Variants in SNX19 observed in about 807,000 individuals in gnomAD.
The protein encoded by SNX19 is sorting nexin-19.
A neutral mutation model predicts 85.2 loss-of-function variants in SNX19; 60 were observed. The ratio of observed to expected loss-of-function variants is 0.70; its 90% CI spans 0.57 to 0.87. SNX19 has a LOEUF of 0.87. SNX19 is among the 40% of genes least tolerant of loss of function. SNX19 has a pLI of 0.00. For missense variants in SNX19, 1,201 were observed against 1,217.8 expected, an observed-to-expected ratio of 0.99 and a Z score of 0.21; for synonymous variants, 520 against 470.0, an observed-to-expected ratio of 1.11 and a Z score of -1.38.
At chr11:130,907,894 G>A (rs1267586942) in intron 5 of SNX19, 59 bp downstream of exon 5, 1 of 1,602,300 alleles carries the variant, frequency 6.2e-7, no homozygotes, top group African/African-American at 1.3e-5. Flanking sequence ...TGTTGGCTGA[G>A]GATTGGGGAT....
In SNX19 at chr11:130,868,673, A is replaced by T. The variant is rs4411284; in HGVS notation, c.*9749T>A. The T allele has an allele frequency of 5.3e-5, 8 of 152,018 alleles. No homozygotes were observed. In the East Asian group the frequency reaches 1.6e-3, roughly 30 times the overall value. The allele number at this position is 152,018 out of a possible 1,614,324, so 9.4% of individuals were successfully genotyped here. ...TGAGGTTAAGTACTCCTCCGCCCCC[A>T]ACCCCCCGACCACACCCCATGCCCA... is the stretch of plus-strand genomic sequence containing the variant. On this transcript the variant is annotated 3_prime_UTR_variant, in exon 11 of 11. Transcript: ENST00000265909.
In SNX19 at chr11:130,877,835, C is replaced by A. The variant is rs1158728239; in HGVS notation, c.*587G>T. ...ATAAGGCTGATGTGTTGGGAAACAG[C>A]AACACATGAGCAAGAAGTTCCTTGA... On this transcript the variant is annotated 3_prime_UTR_variant, in exon 11 of 11. Coordinates refer to ENST00000265909, the MANE Select transcript of SNX19 (RefSeq NM_014758.3). 1.3e-5 allele frequency: 2 copies of A among 152,582 alleles called. No individual in the cohort carries two copies. The highest frequency in any genetic ancestry group is 6.5e-5 in the Admixed American group (1 of 15,278). 9.5% of individuals were successfully genotyped at this position (152,582 alleles called of 1,614,324 possible).
In SNX19 at chr11:130,873,086, T is replaced by C. The variant is rs367736874; in HGVS notation, c.*5336A>G. Among the ~76,000 whole-genome samples, 5 of 152,186 alleles carry C rather than the reference T, an allele frequency of 3.3e-5. No homozygotes were observed. The highest frequency in any genetic ancestry group is 6.5e-5 in the Admixed American group (1 of 15,286). ...TTTACTAGGCCTCACTCCGGACCTA[T>C]TGAATCAAAATTTGCATTTTAACCC... On this transcript the variant is annotated 3_prime_UTR_variant, in exon 11 of 11. Coordinates refer to ENST00000265909, the MANE Select transcript of SNX19 (RefSeq NM_014758.3).
At chr11:130,882,014 G>A (rs139451502) in intron 8 of SNX19, among the ~76,000 whole-genome samples, 333 of 152,086 alleles carry the variant, frequency 2.2e-3, no homozygotes, top group Non-Finnish European at 3.8e-3. Context: ...TCTTACTTTC[G>A]AAAATGAGTC....
At chr11:130,879,779 T>C in intron 9 of SNX19, 68 bp from the exon 10 acceptor site, 1 of 1,429,798 alleles carries the variant, frequency 7.0e-7, no homozygotes, top group Non-Finnish European at 9.8e-7. Context: ...GGACAGTCTC[T>C]CCCCAGGATC....
intron 8 of SNX19, among the ~76,000 whole-genome samples, chr11:130,902,286 T>C (rs1945311481): frequency 6.6e-6 from 1 of 152,234 alleles, no homozygotes; most frequent in Non-Finnish European, 1.5e-5. Context: ...TAGATGTGCA[T>C]CATCTTCTTT....
chr11:130,903,535 T>A, intron 7 of SNX19, 151 bp from the exon 8 acceptor site: 1 of 714,778 alleles, frequency 1.4e-6, no homozygotes, highest in Non-Finnish European at 2.1e-6. Flanking sequence ...AAAAGAGGTT[T>A]AACTCATATC....
intron 9 of SNX19, 70 bp downstream of exon 9, chr11:130,880,552 G>A (rs1243897355): frequency 1.4e-6 from 2 of 1,393,044 alleles, no homozygotes; most frequent in Non-Finnish European, 2.0e-6. Context: ...AAAAGGTGCA[G>A]GGGTAATGGT....
chr11:130,894,335 C>G (rs1042341083), intron 8 of SNX19, among the ~76,000 whole-genome samples: 1 of 152,180 alleles, frequency 6.6e-6, no homozygotes. Context: ...GGGGCAACTT[C>G]TGGTCATCCA....
At chr11:130,888,211 A>T (rs2135312042) in intron 8 of SNX19, among the ~76,000 whole-genome samples, 1 of 152,120 alleles carries the variant, frequency 6.6e-6, no homozygotes, top group South Asian at 2.1e-4. Flanking sequence ...TTAGATTATC[A>T]TTCTAAGTTT....
chr11:130,906,751 T>A (rs4586174), intron 5 of SNX19, 30 bp from the exon 6 acceptor site: 1,096,612 of 1,494,202 alleles, frequency 0.73, 405,055 homozygotes, highest in African/African-American at 0.89. Context: ...CAGAAACAGG[T>A]TGTAATTTAT....
Position 130,867,450 on chromosome 11 carries a change from A to G in SNX19, c.*10972T>C, listed in dbSNP as rs1942815709. On this transcript the variant is annotated 3_prime_UTR_variant, in exon 11 of 11. Transcript: ENST00000265909. ...TAACTGGCGGTGAGCAGGCTCTTGG[A>G]CTCCATGAAAATTTAAGGATGTGGC... is the stretch of plus-strand genomic sequence containing the variant. 6.6e-6 allele frequency: 1 copy of G among 152,080 alleles called. No individual in the cohort carries two copies. Among genetic ancestry groups the G allele is most frequent in the East Asian group, 1.9e-4 (1 of 5,180 alleles). 9.4% of individuals were successfully genotyped at this position (152,080 alleles called of 1,614,324 possible).
At chr11:130,889,445 T>G (rs1432104329) in intron 8 of SNX19, among the ~76,000 whole-genome samples, 1 of 152,142 alleles carries the variant, frequency 6.6e-6, no homozygotes, top group East Asian at 1.9e-4. Flanking sequence ...ATGTAATTCA[T>G]TTTGACATCT....
In SNX19 at chr11:130,915,882, G is replaced by A. The variant is rs1301423566; in HGVS notation, c.58C>T (p.Leu20Phe). 1.9e-6 allele frequency: 3 copies of A among 1,614,182 alleles called. No individual in the cohort carries two copies. The highest frequency in any genetic ancestry group is 2.2e-5 in the East Asian group (1 of 44,872). ...QETPAGSSCH[L>F]NNLLSSRKLM... The stretch of plus-strand genomic sequence containing the variant: ...TTCCGGCTACTCAACAGGTTATTGA[G>A]GTGACAGCTCGATCCAGCTGGAGTT... The change falls in exon 1 of 11, where the codon CTC (leucine) becomes TTC (phenylalanine). Residue 20 changes from leucine to phenylalanine, a missense_variant. Physicochemically the swap from Leu to Phe is conservative, Grantham distance 22. This residue lies in a region of SNX19 where 791 missense variants were observed against 750.9 expected (regional missense o/e 1.05). Transcript: ENST00000265909.
At chr11:130,908,130 G>A (rs760944382) in intron 4 of SNX19, 47 bp from the exon 5 acceptor site, 13 of 1,601,648 alleles carry the variant, frequency 8.1e-6, no homozygotes, top group Non-Finnish European at 1.1e-5. Flanking sequence ...ATCCACAGAT[G>A]GAAACCGCCA....
At chr11:130,894,941 C>A (rs1944771236) in intron 8 of SNX19, 1 of 985,276 alleles carries the variant, frequency 1.0e-6, no homozygotes, top group Non-Finnish European at 1.2e-6. Context: ...ATTTCTATTT[C>A]GACAGTAACA....
chr11:130,899,866 T>C (rs1945142291), intron 8 of SNX19, among the ~76,000 whole-genome samples: 1 of 152,180 alleles, frequency 6.6e-6, no homozygotes, highest in Non-Finnish European at 1.5e-5. Context: ...TTCCCACTTT[T>C]CCCATCACAA....
At position 130,915,580 on chromosome 11, in the gene SNX19, G is replaced by A. The variant is rs116957702; in HGVS notation, c.360C>T (p.Ser120=). ...CCTCAAAGGCTGGCTCCTGGCTCAC[G>A]GAACGGTACCAAGATAACACAAAAT... ...IRDFVLSWYR[S]VSQEPAFEEE... The change falls in exon 1 of 11, where the codon TCC becomes TCT. Residue 120 remains serine (S), a synonymous_variant. Transcript: ENST00000265909. The A allele has an allele frequency of 2.3e-3, 3,679 of 1,614,214 alleles. 96 individuals are homozygous for A. The East Asian group carries it at 0.063, about 28-fold the overall frequency.
chr11:130,869,658 T>A lies in SNX19; in HGVS notation c.*8764A>T, dbSNP rs968575110. On this transcript the variant is annotated 3_prime_UTR_variant, in exon 11 of 11. Transcript: ENST00000265909. Reference sequence around the variant, plus strand: ...TGGCTAAACTTTCTAGTTGTGTGAATAGTTTGCAACATATAAAGAATTGGT... The same window carrying A: ...TGGCTAAACTTTCTAGTTGTGTGAAAAGTTTGCAACATATAAAGAATTGGT... 6.6e-6 allele frequency: 1 copy of A among 152,190 alleles called. No homozygotes were observed. Among genetic ancestry groups the A allele is most frequent in the African/African-American group, 2.4e-5 (1 of 41,438 alleles). The allele number at this position is 152,190 out of a possible 1,614,324, so 9.4% of individuals were successfully genotyped here. A position where few individuals can be genotyped will look rare whatever the true frequency, so the allele number is the denominator to read the frequency against.
Sources: gnomAD v4.1 joint callset for allele counts (sites outside exome capture counted in the v4.1 genomes callset) on GRCh38, gnomAD v4.1.1 for gene constraint, gnomAD v4.1.1 regional missense constraint, MANE v1.5 for transcripts, NCBI Gene and HGNC (gene_info 2026-07-23, HGNC 2026-07-21) for gene names.